The following BRCA2 variants were observed in gnomAD, a reference collection of about 807,000 sequenced individuals.
The protein encoded by BRCA2 is breast cancer type 2 susceptibility protein.
In BRCA2, 203 loss-of-function variants were observed where a neutral mutation model predicts 276.7. The ratio of observed to expected loss-of-function variants is 0.73; its 90% confidence interval spans 0.65 to 0.82. The LOEUF is 0.82. BRCA2 is among the 40% of genes least tolerant of loss of function. BRCA2 has a pLI of 0.00. For missense variants in BRCA2, 3,920 were observed against 3,915.0 expected (o/e 1.00, Z -0.03); for synonymous variants, 1,289 against 1,338.4 (o/e 0.96, Z 0.81).
chr13:32,336,738 T>C lies in BRCA2; in HGVS notation c.2383T>C (p.Ser795Pro), dbSNP rs878853563. Residue 795 changes from serine to proline, a missense_variant, in exon 11 of 27, where the codon TCA (serine) becomes CCA (proline). Around this residue, in one of 2 missense-constraint regions of BRCA2, gnomAD observed 3,263 missense variants for 3,156.9 expected, o/e 1.03. Coordinates refer to ENST00000380152, the MANE Select transcript of BRCA2 (RefSeq NM_000059.4). ...ISRGKESYKM[S>P]DKLKGNNYES... The stretch of plus-strand genomic sequence containing the variant: ...TAGAGGCAAAGAATCATACAAAATG[T>C]CAGACAAGCTCAAAGGTAACAATTA... 6.2e-7 allele frequency: 1 copy of C among 1,613,934 alleles called. No individual in the cohort carries two copies. The highest frequency in any genetic ancestry group is 8.5e-7 in the Non-Finnish European group (1 of 1,179,938).
rs757821270 is a variant in BRCA2 at position 32,338,769 on chromosome 13, A to G, written c.4414A>G (p.Lys1472Glu). ...LNSELHSDIR[K>E]NKMDILSYEE... ...TTCTGAATTACATTCTGACATAAGA[A>G]AGAACAAAATGGACATTCTAAGTTA... Residue 1472 changes from lysine to glutamate, a missense_variant, in exon 11 of 27, where the codon AAG (lysine) becomes GAG (glutamate). Lys to Glu is a moderately conservative substitution (Grantham distance 56). Coordinates refer to ENST00000380152, the MANE Select transcript of BRCA2 (RefSeq NM_000059.4). 1 of 1,611,040 alleles carries G rather than the reference A, an allele frequency of 6.2e-7. No individual in the cohort carries two copies. Among genetic ancestry groups the G allele is most frequent in the Non-Finnish European group, 8.5e-7 (1 of 1,178,374 alleles).
rs980577419 is a variant in BRCA2 at position 32,398,220 on chromosome 13, A to G, written c.9707A>G (p.Lys3236Arg). ...AGTCCTTTATCACTTTGTATGGCCA[A>G]AAGGAAGTCTGTTTCCACACCTGTC... ...YQSPLSLCMA[K>R]RKSVSTPVSA... Residue 3236 changes from lysine (K) to arginine (R), a missense_variant, in exon 27 of 27, where the codon AAA (lysine) becomes AGA (arginine). By Grantham distance (26) the Lys-to-Arg change is conservative. Transcript: ENST00000380152. 2 of 1,613,366 alleles carry G rather than the reference A, an allele frequency of 1.2e-6. No individual in the cohort carries two copies. The highest frequency in any genetic ancestry group is 1.7e-5 in the Admixed American group (1 of 59,912).
chr13:32,358,671 G>A (rs373405719), intron 16 of BRCA2, among the ~76,000 whole-genome samples: 18 of 148,596 alleles, frequency 1.2e-4, no homozygotes, highest in African/African-American at 4.0e-4. Context: ...GGTGGCTCAC[G>A]CCTGTAGTCC....
chr13:32,347,790 C>T (rs1300421806), intron 13 of BRCA2, among the ~76,000 whole-genome samples: 1 of 152,090 alleles, frequency 6.6e-6, no homozygotes, highest in East Asian at 1.9e-4. Context: ...AAAATACTGA[C>T]AGTTGAGGAT....
chr13:32,348,048 G>T (rs1428428888), intron 13 of BRCA2, among the ~76,000 whole-genome samples: 1 of 151,732 alleles, frequency 6.6e-6, no homozygotes, highest in Non-Finnish European at 1.5e-5. Context: ...GGTAAGAAAA[G>T]AAAAAATGGC....
chr13:32,382,187 C>T (rs2072929278), intron 24 of BRCA2, among the ~76,000 whole-genome samples: 1 of 152,046 alleles, frequency 6.6e-6, no homozygotes, highest in African/African-American at 2.4e-5. Context: ...CTCCTGACCT[C>T]GTGATCCACC....
chr13:32,397,157 T>C (rs1300067980), intron 26 of BRCA2, 113 bp downstream of exon 26: 2 of 1,277,818 alleles, frequency 1.6e-6, no homozygotes, highest in African/African-American at 1.5e-5. Flanking sequence ...AATTAGAAAA[T>C]GTGGTTGTTA....
intron 3 of BRCA2, among the ~76,000 whole-genome samples, chr13:32,320,810 TA>T (rs2072301501): frequency 6.6e-6 from 1 of 152,238 alleles, no homozygotes; most frequent in African/African-American, 2.4e-5. Context: ...TTAGAAAGCC[TA>T]ATGATCAAAC....
At chr13:32,323,293 C>T (rs375966079) in intron 3 of BRCA2, among the ~76,000 whole-genome samples, 276 of 152,056 alleles carry the variant, frequency 1.8e-3, no homozygotes, top group African/African-American at 6.4e-3. Context: ...GCTGGGACTA[C>T]AGGCACCCGC....
chr13:32,379,253 G>T, intron 21 of BRCA2, 64 bp from the exon 22 acceptor site: 3 of 1,526,066 alleles, frequency 2.0e-6, no homozygotes, highest in South Asian at 1.1e-5. Flanking sequence ...AAGCCATCTA[G>T]TTACAATAGA....
At chr13:32,386,716 C>A (rs1027574290) in intron 24 of BRCA2, among the ~76,000 whole-genome samples, 1 of 152,124 alleles carries the variant, frequency 6.6e-6, no homozygotes, top group African/African-American at 2.4e-5. Flanking sequence ...ATTTCTCCCC[C>A]CCTTAGTTAC....
intron 12 of BRCA2, among the ~76,000 whole-genome samples, chr13:32,345,763 A>G (rs2072606840): frequency 6.6e-6 from 1 of 152,054 alleles, no homozygotes; most frequent in Non-Finnish European, 1.5e-5. Context: ...CTTAAATGTA[A>G]TTTTATACAA....
rs11571768 is a variant in BRCA2, at chr13:32,379,182, A to G, written c.8755-135A>G. The G allele has an allele frequency of 7.7e-4, 585 of 760,854 alleles. 3 individuals carry two copies. In the African/African-American group the frequency reaches 9.3e-3, roughly 12 times the overall value. The allele number at this position is 760,854 out of a possible 1,614,324, so 47.1% of individuals were successfully genotyped here. On this transcript the variant is annotated intron_variant, in intron 21 of 26. Coordinates refer to ENST00000380152, the MANE Select transcript of BRCA2 (RefSeq NM_000059.4). ...GGCACCTGAGAATATTATGTGAGAA[A>G]CTGATTACATTAACCACACCCTTAA...
rs431825363 is a variant in BRCA2 at position 32,363,484 on chromosome 13, C to T, written c.8282C>T (p.Ser2761Phe). Residue 2761 changes from serine to phenylalanine, a missense_variant, in exon 18 of 27, where the codon TCT (serine) becomes TTT (phenylalanine). By Grantham distance (155) the Ser-to-Phe change is radical (BLOSUM62 -2). Transcript: ENST00000380152. ...IILHGAELVG[S>F]PDACTPLEAP... is the part of the protein sequence containing the mutation. ...CTTCATGGAGCAGAACTGGTGGGCT[C>T]TCCTGATGCCTGTACACCTCTTGAA... is the stretch of plus-strand genomic sequence containing the variant. 1 of 1,614,024 alleles carries T rather than the reference C, an allele frequency of 6.2e-7. No individual in the cohort carries two copies. Among genetic ancestry groups the T allele is most frequent in the South Asian group, 1.1e-5 (1 of 91,066 alleles).
intron 13 of BRCA2, among the ~76,000 whole-genome samples, chr13:32,351,887 T>C (rs953254228): frequency 6.6e-5 from 10 of 152,128 alleles, no homozygotes; most frequent in East Asian, 3.9e-4. Context: ...CTGCAACCTC[T>C]GCCTCCTAGG....
rs2137493160 is a variant in BRCA2, at chr13:32,337,450, A to G, written c.3095A>G (p.Lys1032Arg). 1 of 1,612,886 alleles carries G rather than the reference A, an allele frequency of 6.2e-7. No individual in the cohort carries two copies. Residue 1032 changes from lysine to arginine, a missense_variant, in exon 11 of 27, where the codon AAA becomes AGA. Physicochemically the swap from Lys to Arg is conservative, Grantham distance 26. Transcript: ENST00000380152. ...HNIKKSKMFF[K>R]DIEEQYPTSL... ...ATTAAGAAGAGCAAAATGTTCTTCA[A>G]AGATATTGAAGAACAATATCCTACT... is the stretch of plus-strand genomic sequence containing the variant.
intron 13 of BRCA2, among the ~76,000 whole-genome samples, chr13:32,353,107 G>A (rs773347279): frequency 6.6e-6 from 1 of 152,152 alleles, no homozygotes; most frequent in African/African-American, 2.4e-5. Context: ...CAATTATCTT[G>A]TCTCTCTCCT....
intron 24 of BRCA2, among the ~76,000 whole-genome samples, chr13:32,388,429 T>G (rs1053358171): frequency 2.0e-5 from 3 of 152,162 alleles, no homozygotes; most frequent in African/African-American, 7.2e-5. Context: ...TGTCTTAGGA[T>G]TTTTCAACTT....
intron 13 of BRCA2, 36 bp downstream of exon 13, chr13:32,346,932 A>G (rs1230542590): frequency 2.7e-6 from 4 of 1,503,546 alleles, no homozygotes; most frequent in East Asian, 2.3e-5. Context: ...ATTCTAATAC[A>G]GTATGAGAAA....
Sources: allele counts gnomAD v4.1 joint callset (sites outside exome capture counted in the v4.1 genomes callset), GRCh38; gene constraint gnomAD v4.1.1; regional missense constraint gnomAD v4.1.1; transcripts MANE v1.5; gene names NCBI Gene and HGNC (gene_info 2026-07-23, HGNC 2026-07-21).